FAT1: variants seen among roughly 807,000 people sequenced by gnomAD.
The protein encoded by FAT1 is protocadherin Fat 1.
Under a neutral mutation model 329.8 loss-of-function variants are expected in FAT1, and 171 were observed. The observed-to-expected ratio is 0.52, with a 90% CI of 0.46 to 0.59. The LOEUF (loss-of-function observed/expected upper bound fraction) is 0.59, where lower values mean the gene tolerates loss of function less well. FAT1 is among the 20% of genes least tolerant of loss of function. The pLI, the probability that FAT1 is intolerant of heterozygous loss-of-function variation, is 0.00. For missense variants in FAT1, 5,672 were observed against 5,774.4 expected, an observed-to-expected ratio of 0.98 and a Z score of 0.57; for synonymous variants, 2,233 against 2,228.6, an observed-to-expected ratio of 1.00 and a Z score of -0.06.
intron 21 of FAT1, among the ~76,000 whole-genome samples, chr4:186,600,956 C>T (rs904196910): frequency 1.3e-5 from 2 of 152,150 alleles, no homozygotes; most frequent in East Asian, 3.9e-4. Flanking sequence ...AAGTGATCCA[C>T]CCGCCTCAGC....
At chr4:186,679,377 A>C (rs1197525072) in intron 2 of FAT1, among the ~76,000 whole-genome samples, 1 of 137,506 alleles carries the variant, frequency 7.3e-6, no homozygotes, top group Non-Finnish European at 1.5e-5. Context: ...AGATCGCACC[A>C]CTGCACTCCA....
Position 186,603,047 on chromosome 4 carries a change from A to C in FAT1, c.11351-13T>G. On this transcript the variant is annotated splice_polypyrimidine_tract_variant and intron_variant, in intron 19 of 26. Coordinates refer to ENST00000441802, the MANE Select transcript of FAT1 (RefSeq NM_005245.4). ...GGGCACCTTCCCTCTTCATTCAAAG[A>C]GGGGAGAAAGGGAAAAGATAATTAA... is the stretch of plus-strand genomic sequence containing the variant. 6.2e-7 allele frequency: 1 copy of C among 1,613,776 alleles called. No individual in the cohort carries two copies. The highest frequency in any genetic ancestry group is 8.5e-7 in the Non-Finnish European group (1 of 1,179,804).
At position 186,628,677 on chromosome 4, in the gene FAT1, C is replaced by T. The variant is rs376412122; in HGVS notation, c.4410G>A (p.Ala1470=). ...KYEVVIPEDT[A]PETEILQISA... is the part of the protein sequence containing the mutation. ...TGATTTGCAAAATTTCTGTTTCTGG[C>T]GCTGTATCTTCAGGAATAACAACTT... The change falls in exon 8 of 27, where the codon GCG becomes GCA. Residue 1470 remains alanine, a synonymous_variant. Transcript: ENST00000441802. 3.7e-6 allele frequency: 6 copies of T among 1,613,774 alleles called. No homozygotes were observed. The highest frequency in any genetic ancestry group is 2.2e-5 in the South Asian group (2 of 91,086).
chr4:186,636,950 A>G, intron 4 of FAT1, 36 bp from the exon 5 acceptor site: 1 of 1,519,330 alleles, frequency 6.6e-7, no homozygotes, highest in African/African-American at 1.4e-5. Context: ...ACATGTTAAG[A>G]TATACTATAT....
intron 3 of FAT1, among the ~76,000 whole-genome samples, chr4:186,641,547 C>T (rs955155770): frequency 6.6e-6 from 1 of 152,162 alleles, no homozygotes; most frequent in Non-Finnish European, 1.5e-5. Context: ...CGTGGAATAG[C>T]AGCTTGACAC....
At chr4:186,600,397 T>A (rs978612824) in intron 21 of FAT1, 37 bp from the exon 22 acceptor site, 2 of 1,536,764 alleles carry the variant, frequency 1.3e-6, no homozygotes, top group Non-Finnish European at 1.8e-6. Flanking sequence ...ATTACTCTCA[T>A]AGAACCTTCA....
At chr4:186,681,084 A>T (rs1190656214) in intron 2 of FAT1, among the ~76,000 whole-genome samples, 2 of 152,160 alleles carry the variant, frequency 1.3e-5, no homozygotes, top group Non-Finnish European at 2.9e-5. Context: ...TCGGAATTGG[A>T]GAGGGAAACA....
intron 3 of FAT1, among the ~76,000 whole-genome samples, chr4:186,662,589 A>G (rs1481676282): frequency 6.6e-6 from 1 of 152,164 alleles, no homozygotes; most frequent in African/African-American, 2.4e-5. Context: ...GGAAACACTT[A>G]AAACATTAAA....
In FAT1 at chr4:186,600,163, C is replaced by T. The variant is rs2126412834; in HGVS notation, c.11838G>A (p.Leu3946=). Residue 3946 remains leucine (L), a synonymous_variant, in exon 22 of 27, where the codon CTG becomes CTA. Coordinates refer to ENST00000441802, the MANE Select transcript of FAT1 (RefSeq NM_005245.4). ...TAPGTLKTLN[L]DNYVFFGGHI... is the part of the protein sequence containing the mutation. Reference sequence around the variant, plus strand: ...GGCCACCAAAAAACACATAGTTATCCAGGTTCAGGGTTTTCAGAGTCCCTG... The same window carrying T: ...GGCCACCAAAAAACACATAGTTATCTAGGTTCAGGGTTTTCAGAGTCCCTG... 1.2e-6 allele frequency: 2 copies of T among 1,614,058 alleles called. No individual in the cohort carries two copies. Among genetic ancestry groups the T allele is most frequent in the Non-Finnish European group, 1.7e-6 (2 of 1,179,892 alleles).
At chr4:186,627,010 GAAT>G (rs1452120650) in intron 9 of FAT1, among the ~76,000 whole-genome samples, 997 of 22,430 alleles carry the variant, frequency 0.044, 19 homozygotes, top group Admixed American at 0.12. Context: ...TCAGCCCACA[GAAT>G]GAATGAATGA....
chr4:186,611,779 T>A lies in FAT1; in HGVS notation c.9464-4A>T, dbSNP rs900219046. 3.2e-6 allele frequency: 5 copies of A among 1,540,354 alleles called. No individual in the cohort carries two copies. The highest frequency in any genetic ancestry group is 4.4e-6 in the Non-Finnish European group (5 of 1,145,806). On this transcript the variant is annotated splice_polypyrimidine_tract_variant and splice_region_variant and intron_variant, in intron 13 of 26. Transcript: ENST00000441802. ...TATAAAATCTTCCGATTTAATCCTA[T>A]GAAGACATAAAAACATGTCAAAAGA...
intron 3 of FAT1, among the ~76,000 whole-genome samples, chr4:186,658,596 C>T (rs891229267): frequency 1.3e-5 from 2 of 152,230 alleles, no homozygotes; most frequent in African/African-American, 4.8e-5. Context: ...CAAATATTCT[C>T]TTTAACCCTT....
Position 186,616,395 on chromosome 4 carries a change from C to A in FAT1, c.9075+610G>T, listed in dbSNP as rs1739711659. Reference sequence around the variant, plus strand: ...AATCCCTCCTCACACTCCATGGCCCCTCCCCACCCACTCCTGACGACCCAC... The same window carrying A: ...AATCCCTCCTCACACTCCATGGCCCATCCCCACCCACTCCTGACGACCCAC... On this transcript the variant is annotated intron_variant, in intron 11 of 26. Coordinates refer to ENST00000441802, the MANE Select transcript of FAT1 (RefSeq NM_005245.4). 2.0e-5 allele frequency among the ~76,000 whole-genome samples: 3 copies of A among 152,100 alleles called. No homozygotes were observed. The South Asian group carries it at 6.2e-4, about 32-fold the overall frequency.
Position 186,620,975 on chromosome 4 carries a change from C to T in FAT1, c.5611G>A (p.Asp1871Asn), listed in dbSNP as rs756230612. ...AACACAGGGGGGCAGTCATTAATGTCAATTACATGTACTGTTACATTCGCT... is the reference window on the plus strand; with the variant it reads ...AACACAGGGGGGCAGTCATTAATGTTAATTACATGTACTGTTACATTCGCT... ...YAANVTVHVI[D>N]INDCPPVFAK... Residue 1871 changes from aspartate (D) to asparagine (N), a missense_variant, in exon 10 of 27, where the codon GAC becomes AAC. Asp to Asn is a conservative substitution (Grantham distance 23). Coordinates refer to ENST00000441802, the MANE Select transcript of FAT1 (RefSeq NM_005245.4). 1.9e-6 allele frequency: 3 copies of T among 1,613,494 alleles called. No homozygotes were observed. In the South Asian group the frequency reaches 3.3e-5, roughly 18 times the overall value.
At chr4:186,667,662 G>C (rs1742521628) in intron 2 of FAT1, among the ~76,000 whole-genome samples, 1 of 152,148 alleles carries the variant, frequency 6.6e-6, no homozygotes, top group African/African-American at 2.4e-5. Flanking sequence ...AAAATCCTCA[G>C]ATCCCTCATG....
chr4:186,711,220 G>T (rs1744934867), intron 1 of FAT1, among the ~76,000 whole-genome samples: 1 of 151,978 alleles, frequency 6.6e-6, no homozygotes, highest in Non-Finnish European at 1.5e-5. Context: ...TTGCCTTAGG[G>T]GGAAAAAAAG....
At chr4:186,723,620 A>T (rs866753496) in intron 1 of FAT1, 44 bp downstream of exon 1, 1 of 152,126 alleles carries the variant, frequency 6.6e-6, no homozygotes, top group East Asian at 1.9e-4. Context: ...AGCGCGCTGC[A>T]CGCTCTCGCC....
intron 2 of FAT1, among the ~76,000 whole-genome samples, chr4:186,686,664 C>T (rs566887129): frequency 2.6e-5 from 4 of 152,200 alleles, no homozygotes; most frequent in Middle Eastern, 3.4e-3. Context: ...TTTTATCCGC[C>T]TCATACTCTT....
chr4:186,595,602 A>C, intron 26 of FAT1, 87 bp downstream of exon 26: 1 of 1,443,338 alleles, frequency 6.9e-7, no homozygotes, highest in Non-Finnish European at 9.6e-7. Flanking sequence ...TGAGGCTTTA[A>C]GGGTAGATAG....
Sources: allele counts gnomAD v4.1 joint callset (sites outside exome capture counted in the v4.1 genomes callset), GRCh38; gene constraint gnomAD v4.1.1; transcripts MANE v1.5; gene names NCBI Gene and HGNC (gene_info 2026-07-23, HGNC 2026-07-21).